The following CEP192 variants were observed in gnomAD, a reference collection of about 807,000 sequenced individuals.
The protein encoded by CEP192 is centrosomal protein of 192 kDa.
In CEP192, 151 loss-of-function variants were observed where a neutral mutation model predicts 271.8. The observed-to-expected ratio is 0.56, with a 90% CI of 0.49 to 0.64. The LOEUF is 0.64. Among genes scored for constraint, CEP192 ranks in the 30% least tolerant of loss-of-function variants. The probability of loss-of-function intolerance (pLI) is 0.00; values close to 1 mark genes in which losing one functional copy is unlikely to be tolerated. For missense variants in CEP192, 2,910 were observed against 3,020.5 expected, an observed-to-expected ratio of 0.96 and a Z score of 0.86; for synonymous variants, 995 against 1,076.5, an observed-to-expected ratio of 0.92 and a Z score of 1.48.
chr18:13,018,920 T>G (rs1163109238), intron 8 of CEP192, among the ~76,000 whole-genome samples, 162 bp from the exon 9 acceptor site: 1 of 152,212 alleles, frequency 6.6e-6, no homozygotes, highest in African/African-American at 2.4e-5. Context: ...TATTATTGCC[T>G]CTTACTGTTG....
chr18:13,015,491 A>C lies in CEP192; in HGVS notation c.640+43A>C, dbSNP rs115182720. On this transcript the variant is annotated intron_variant, in intron 6 of 44. Coordinates refer to ENST00000506447, the MANE Select transcript of CEP192 (RefSeq NM_032142.4). ...GTGTTTCCCTGGTCTTCACCTTGCC[A>C]CTCCACTTTATTCTTCTTTGTTGCA... The C allele has an allele frequency of 1.4e-3, 2,211 of 1,539,372 alleles. 28 individuals carry two copies. The African/African-American group carries it at 0.026, about 18-fold the overall frequency.
In CEP192 at chr18:13,124,172, G is replaced by GATTTTATGA. The variant is rs777994456; in HGVS notation, c.7476-458_7476-457insTTTATGAAT. Among the ~76,000 whole-genome samples the GATTTTATGA allele has an allele frequency of 2.4e-3, 363 of 152,136 alleles. 2 individuals are homozygous for GATTTTATGA. Among genetic ancestry groups the GATTTTATGA allele is most frequent in the Non-Finnish European group, 4.2e-3 (288 of 67,972 alleles). The stretch of plus-strand genomic sequence containing the variant: ...TGAAACTCCGTCTCAAAAAAAAAAG[G>GATTTTATGA]ATCATATGAATTTTAGAGCAAAAAC... On this transcript the variant is annotated intron_variant, in intron 44 of 44. Transcript: ENST00000506447.
intron 30 of CEP192, among the ~76,000 whole-genome samples, chr18:13,080,379 A>G (rs2038530445): frequency 6.6e-6 from 1 of 152,020 alleles, no homozygotes; most frequent in African/African-American, 2.4e-5. Flanking sequence ...ATTCCTAGAT[A>G]TTTCATTCTC....
At chr18:13,108,514 CAGA>C (rs2040060616) in intron 40 of CEP192, among the ~76,000 whole-genome samples, 1 of 152,160 alleles carries the variant, frequency 6.6e-6, no homozygotes, top group Non-Finnish European at 1.5e-5. Context: ...AGACACTTCT[CAGA>C]AGAAGACATA....
At chr18:13,030,887 T>C (rs528225072) in intron 11 of CEP192, among the ~76,000 whole-genome samples, 1 of 152,340 alleles carries the variant, frequency 6.6e-6, no homozygotes, top group South Asian at 2.1e-4. Context: ...GAAGGGACTT[T>C]AGGTTTTGCT....
intron 30 of CEP192, among the ~76,000 whole-genome samples, chr18:13,074,676 C>T (rs1240115481): frequency 6.6e-6 from 1 of 152,138 alleles, no homozygotes; most frequent in Admixed American, 6.5e-5. Context: ...CAGAGGTGGG[C>T]TGGATGGGGT....
chr18:13,076,627 G>C (rs189192661), intron 30 of CEP192, among the ~76,000 whole-genome samples: 78 of 152,132 alleles, frequency 5.1e-4, no homozygotes, highest in African/African-American at 1.4e-3. Flanking sequence ...CTTTTCCCTT[G>C]TTTTTTGCTA....
At chr18:13,021,631 G>A (rs9952698) in intron 9 of CEP192, among the ~76,000 whole-genome samples, 99,203 of 152,028 alleles carry the variant, frequency 0.65, 33,293 homozygotes, top group African/African-American at 0.82. Flanking sequence ...CAGCTTTTCC[G>A]TTTCTTTAGA....
At chr18:13,016,579 A>G (rs535136883) in intron 6 of CEP192, among the ~76,000 whole-genome samples, 1 of 152,336 alleles carries the variant, frequency 6.6e-6, no homozygotes, top group South Asian at 2.1e-4. Flanking sequence ...TGATTGCTTT[A>G]GTATGCTGGA....
rs1167772512 is a variant in CEP192 at position 13,040,872 on chromosome 18, C to G, written c.1852C>G (p.Pro618Ala). ...YFIRSPEKRE[P>A]IALIRKSDVS... The stretch of plus-strand genomic sequence containing the variant: ...TATTAGATCACCAGAGAAGAGAGAA[C>G]CTATTGCCTTAATAAGAAAATCTGA... The change falls in exon 14 of 45, where the codon CCT becomes GCT. Residue 618 changes from proline to alanine, a missense_variant. Pro to Ala is a conservative substitution (Grantham distance 27). Coordinates refer to ENST00000506447, the MANE Select transcript of CEP192 (RefSeq NM_032142.4). The G allele has an allele frequency of 6.2e-7, 1 of 1,603,512 alleles. No homozygotes were observed. The highest frequency in any genetic ancestry group is 8.5e-7 in the Non-Finnish European group (1 of 1,171,594).
At chr18:13,095,040 C>T (rs774652711) in intron 34 of CEP192, among the ~76,000 whole-genome samples, 8 of 152,174 alleles carry the variant, frequency 5.3e-5, no homozygotes, top group Admixed American at 1.3e-4. Context: ...CTATACTTTA[C>T]GTATTTTTTT....
At chr18:13,032,734 CA>C (rs1328813873) in intron 11 of CEP192, among the ~76,000 whole-genome samples, 1 of 152,222 alleles carries the variant, frequency 6.6e-6, no homozygotes, top group East Asian at 1.9e-4. Context: ...CCCAAATTCT[CA>C]AATTCCCATT....
intron 44 of CEP192, among the ~76,000 whole-genome samples, chr18:13,119,523 ATGT>A: frequency 6.6e-6 from 1 of 152,202 alleles, no homozygotes; most frequent in Non-Finnish European, 1.5e-5. Context: ...TGGGCGGATC[ATGT>A]GAGGTCAGGA....
intron 1 of CEP192, among the ~76,000 whole-genome samples, chr18:12,995,307 G>T (rs534317078): frequency 6.6e-6 from 1 of 151,694 alleles, no homozygotes; most frequent in Admixed American, 6.6e-5. Flanking sequence ...CTCGTGATCC[G>T]CCCGCCTCGG....
At chr18:13,007,830 C>T (rs35637816) in intron 3 of CEP192, among the ~76,000 whole-genome samples, 20,388 of 152,152 alleles carry the variant, frequency 0.13, 2,103 homozygotes, top group African/African-American at 0.28. Context: ...GAGTCTGGCT[C>T]TAGGTATCAG....
chr18:13,074,384 A>G (rs192086253), intron 30 of CEP192, among the ~76,000 whole-genome samples: 25 of 152,246 alleles, frequency 1.6e-4, no homozygotes, highest in African/African-American at 5.5e-4. Context: ...CAGAGCCTTT[A>G]AGCTCTCTGA....
chr18:13,060,335 A>C (rs1424398113), intron 21 of CEP192, among the ~76,000 whole-genome samples: 1 of 152,210 alleles, frequency 6.6e-6, no homozygotes, highest in Non-Finnish European at 1.5e-5. Context: ...ATACATTATA[A>C]AAGATTTAAA....
intron 7 of CEP192, among the ~76,000 whole-genome samples, chr18:13,017,693 CA>C (rs2034737080): frequency 1.3e-5 from 2 of 152,164 alleles, no homozygotes; most frequent in African/African-American, 4.8e-5. Context: ...AATACTTCAG[CA>C]TTTATCTTTT....
chr18:13,037,441 T>G, intron 12 of CEP192, 140 bp downstream of exon 12: 1 of 487,252 alleles, frequency 2.1e-6, no homozygotes, highest in Non-Finnish European at 3.6e-6. Context: ...CAACTTCTGC[T>G]TTTTCCCTCA....
Sources: gnomAD v4.1 joint callset for allele counts (sites outside exome capture counted in the v4.1 genomes callset) on GRCh38, gnomAD v4.1.1 for gene constraint, MANE v1.5 for transcripts, NCBI Gene and HGNC (gene_info 2026-07-23, HGNC 2026-07-21) for gene names.